ASIC4: variants seen among roughly 807,000 people sequenced by gnomAD.
ASIC4 encodes the protein acid-sensing ion channel 4.
A neutral mutation model predicts 53.4 loss-of-function variants in ASIC4; 28 were observed. The observed-to-expected ratio is 0.52, with a 90% CI of 0.39 to 0.72. The LOEUF (loss-of-function observed/expected upper bound fraction) is 0.72. Ranked by LOEUF, ASIC4 falls within the 30% of genes least tolerant of loss-of-function variation. ASIC4 has a pLI of 0.00. For synonymous variants in ASIC4, 289 were observed against 301.4 expected (o/e 0.96, Z 0.43); for missense variants, 649 against 729.7 (o/e 0.89, Z 1.27).
At chr2:219,523,156 C>G (rs1003043248) in intron 1 of ASIC4, among the ~76,000 whole-genome samples, 5 of 152,226 alleles carry the variant, frequency 3.3e-5, no homozygotes, top group Non-Finnish European at 5.9e-5. Flanking sequence ...ATAAGCAAAA[C>G]TCTTGACGAG....
intron 4 of ASIC4, 84 bp downstream of exon 4, chr2:219,532,561 C>T: frequency 6.6e-7 from 1 of 1,508,538 alleles, no homozygotes; most frequent in South Asian, 1.2e-5. Flanking sequence ...CTCATGTGCA[C>T]AGGCAGGTGC....
rs761729775 is a variant in ASIC4 at position 219,514,908 on chromosome 2, C to A, written c.184C>A (p.Pro62Thr). The change falls in exon 1 of 10, where the codon CCC becomes ACC. Residue 62 changes from proline to threonine, a missense_variant. Coordinates refer to ENST00000358078, the MANE Select transcript of ASIC4 (RefSeq NM_018674.6). Reference sequence around the variant, plus strand: ...ACTGGGCCGGGCCTGTGGCCCAGGCCCCCACGGACTGCGCAGAACCCTGTG... The same window carrying A: ...ACTGGGCCGGGCCTGTGGCCCAGGCACCCACGGACTGCGCAGAACCCTGTG... The part of the protein sequence containing the change: ...HGLGRACGPG[P>T]HGLRRTLWAL... 6.8e-6 allele frequency: 11 copies of A among 1,612,960 alleles called. No homozygotes were observed. Among genetic ancestry groups the A allele is most frequent in the Middle Eastern group, 1.7e-4 (1 of 6,060 alleles).
intron 4 of ASIC4, 180 bp downstream of exon 4, chr2:219,532,657 A>C: frequency 1.1e-6 from 1 of 931,510 alleles, no homozygotes; most frequent in Non-Finnish European, 1.6e-6. Context: ...TGCATGTGGG[A>C]ATGCCGGCAT....
In ASIC4 at chr2:219,537,556, T is replaced by C; in HGVS notation, c.1402-76T>C. On this transcript the variant is annotated intron_variant, in intron 8 of 9. Transcript: ENST00000358078. This position sits in a 1 kb window ranked among gnomAD's most constrained non-coding sequence, Gnocchi z 4.9. Reference sequence around the variant, plus strand: ...TGTGGCAGTAAGTCCTGTGGGCAGCTGGGCATGGTAAGGCTCACGCTTCTC... The same window carrying C: ...TGTGGCAGTAAGTCCTGTGGGCAGCCGGGCATGGTAAGGCTCACGCTTCTC... 1 of 1,327,736 alleles carries C rather than the reference T, an allele frequency of 7.5e-7. No homozygotes were observed. The highest frequency in any genetic ancestry group is 1.0e-6 in the Non-Finnish European group (1 of 952,606). 82.2% of individuals were successfully genotyped at this position (1,327,736 alleles called of 1,614,324 possible).
chr2:219,527,407 G>C (rs1190281713), intron 1 of ASIC4, among the ~76,000 whole-genome samples: 3 of 152,224 alleles, frequency 2.0e-5, no homozygotes, highest in Non-Finnish European at 2.9e-5. Flanking sequence ...TGTGTGCCAA[G>C]GAACCACCAC....
upstream of ASIC4, among the ~76,000 whole-genome samples, chr2:219,513,066 G>A (rs887008596): frequency 4.6e-5 from 7 of 152,190 alleles, no homozygotes; most frequent in African/African-American, 1.4e-4. Context: ...GTTGGGCAGC[G>A]GGTGGACCTC....
Position 219,537,548 on chromosome 2 carries a change from TG to T in ASIC4, c.1402-81del. On this transcript the variant is annotated intron_variant, in intron 8 of 9. Transcript: ENST00000358078. This position sits in a 1 kb window ranked among gnomAD's most constrained non-coding sequence, Gnocchi z 4.9. Reference sequence around the variant, plus strand: ...GAGTTTGCTGTGGCAGTAAGTCCTGTGGGCAGCTGGGCATGGTAAGGCTCAC... The same window carrying T: ...GAGTTTGCTGTGGCAGTAAGTCCTGTGGCAGCTGGGCATGGTAAGGCTCAC... 7.9e-7 allele frequency: 1 copy of T among 1,259,324 alleles called. No homozygotes were observed. Among genetic ancestry groups the T allele is most frequent in the Non-Finnish European group, 1.1e-6 (1 of 894,730 alleles). The allele number at this position is 1,259,324 out of a possible 1,614,324, so 78.0% of individuals were successfully genotyped here. A position where few individuals can be genotyped will look rare whatever the true frequency, so the allele number is the denominator to read the frequency against.
upstream of ASIC4, among the ~76,000 whole-genome samples, chr2:219,513,295 G>T (rs1476534192): frequency 1.1e-3 from 167 of 152,008 alleles, 2 homozygotes; most frequent in Admixed American, 0.011. Flanking sequence ...TGTCGGATGG[G>T]GCCCCAGAGC....
At chr2:219,513,526 A>C (rs1471470544), upstream of ASIC4, among the ~76,000 whole-genome samples, 2 of 151,978 alleles carry the variant, frequency 1.3e-5, no homozygotes, top group Non-Finnish European at 2.9e-5. Context: ...CGCCCAGCAC[A>C]TCTTCCTGCT....
intron 2 of ASIC4, 36 bp downstream of exon 2, chr2:219,531,938 G>A (rs747279893): frequency 1.9e-6 from 3 of 1,612,168 alleles, no homozygotes; most frequent in South Asian, 2.2e-5. Flanking sequence ...GCCACCTTGG[G>A]GACTGGGGCC....
chr2:219,523,094 T>C (rs1694913828), intron 1 of ASIC4, among the ~76,000 whole-genome samples: 1 of 152,096 alleles, frequency 6.6e-6, no homozygotes, highest in Non-Finnish European at 1.5e-5. Context: ...CGCCGCCTCT[T>C]TCTGTCTTGT....
chr2:219,528,904 G>A (rs1285840809), intron 1 of ASIC4, among the ~76,000 whole-genome samples: 2 of 152,142 alleles, frequency 1.3e-5, no homozygotes, highest in African/African-American at 4.8e-5. Context: ...CTTGCGATAA[G>A]AGCACAGGTC....
rs932607161 is a variant in ASIC4, at chr2:219,536,665, C to T, written c.1230-401C>T. On this transcript the variant is annotated intron_variant, in intron 6 of 9. Coordinates refer to ENST00000358078, the MANE Select transcript of ASIC4 (RefSeq NM_018674.6). This position sits in a 1 kb window ranked among gnomAD's most constrained non-coding sequence, Gnocchi z 4.6. ...TGTGTGGAGGAAGCAGAAAAGACGG[C>T]GGCTGGGGAGGAAGGTGCCGGGGAC... 2.0e-5 allele frequency among the ~76,000 whole-genome samples: 3 copies of T among 151,806 alleles called. No individual in the cohort carries two copies. Among genetic ancestry groups the T allele is most frequent in the Admixed American group, 6.6e-5 (1 of 15,258 alleles).
chr2:219,532,894 A>G lies in ASIC4; in HGVS notation c.1030A>G (p.Ile344Val). 2.5e-6 allele frequency: 4 copies of G among 1,613,736 alleles called. No individual in the cohort carries two copies. The highest frequency in any genetic ancestry group is 3.4e-6 in the Non-Finnish European group (4 of 1,179,680). Residue 344 changes from isoleucine to valine, a missense_variant, in exon 5 of 10, where the codon ATC becomes GTC. Transcript: ENST00000358078. The part of the protein sequence containing the change: ...RMVHMPGNET[I>V]CPPNIYIECA... ...TTCTCTCCTTTCAGGCAATGAGACCATCTGCCCACCAAATATCTACATCGA... is the reference window on the plus strand; with the variant it reads ...TTCTCTCCTTTCAGGCAATGAGACCGTCTGCCCACCAAATATCTACATCGA...
At chr2:219,529,617 G>T (rs2125665096) in intron 1 of ASIC4, among the ~76,000 whole-genome samples, 1 of 152,258 alleles carries the variant, frequency 6.6e-6, no homozygotes, top group Admixed American at 6.5e-5. Flanking sequence ...AGCAGCTGGA[G>T]CCTCGCCCCT....
rs1422458323 is a variant in ASIC4 at position 219,537,710 on chromosome 2, T to C, written c.1480T>C (p.Leu494=). Residue 494 remains leucine (L), a synonymous_variant, in exon 9 of 10, where the codon TTG becomes CTG. Transcript: ENST00000358078. This position sits in a 1 kb window ranked among gnomAD's most constrained non-coding sequence, Gnocchi z 4.9. ...LRTSTGGIST[L]GLQELKEQSP... ...GACCTCCACTGGGGGCATCTCCACT[T>C]TGGGGCTTCAGGAGCTGAAGGAACA... 1.2e-6 allele frequency: 2 copies of C among 1,613,790 alleles called. No individual in the cohort carries two copies. The highest frequency in any genetic ancestry group is 2.2e-5 in the East Asian group (1 of 44,886).
intron 1 of ASIC4, among the ~76,000 whole-genome samples, chr2:219,529,326 G>T (rs55914429): frequency 0.2 from 29,791 of 152,168 alleles, 3,021 homozygotes; most frequent in Admixed American, 0.22. Context: ...TACCTGTGGG[G>T]TCAAGGACTT....
chr2:219,512,504 G>A (rs1694714954), upstream of ASIC4, among the ~76,000 whole-genome samples: 1 of 152,110 alleles, frequency 6.6e-6, no homozygotes, highest in South Asian at 2.1e-4. Flanking sequence ...AATATTAGGA[G>A]AAAGGAGAAG....
chr2:219,507,619 C>G, the ASIC4 span, among the ~76,000 whole-genome samples: 2 of 152,162 alleles, frequency 1.3e-5, no homozygotes, highest in African/African-American at 4.8e-5. Flanking sequence ...AGGTCTCAGC[C>G]CTCCTCTCCC....
Sources: gnomAD v4.1 joint callset for allele counts (sites outside exome capture counted in the v4.1 genomes callset) on GRCh38, gnomAD v4.1.1 for gene constraint, Gnocchi (gnomAD v3.1) non-coding constraint, MANE v1.5 for transcripts, NCBI Gene and HGNC (gene_info 2026-07-23, HGNC 2026-07-21) for gene names.